The following CELF4 variants were observed in gnomAD, a reference collection of about 807,000 sequenced individuals.
The protein encoded by CELF4 is CUG-BP- and ETR-3-like factor 4.
A neutral mutation model predicts 59.9 loss-of-function variants in CELF4; 18 were observed. The observed-to-expected ratio is 0.30, with a 90% CI of 0.21 to 0.45. The LOEUF (loss-of-function observed/expected upper bound fraction) is 0.45, where lower values mean the gene tolerates loss of function less well. CELF4 is among the 20% of genes least tolerant of loss of function. The probability of loss-of-function intolerance (pLI) is 1.00; values close to 1 mark genes in which losing one functional copy is unlikely to be tolerated. For missense variants in CELF4, 456 were observed against 689.0 expected (o/e 0.66, Z 3.79); for synonymous variants, 261 against 267.1 (o/e 0.98, Z 0.22).
intron 1 of CELF4, among the ~76,000 whole-genome samples, chr18:37,502,853 G>A (rs543468495): frequency 6.6e-6 from 1 of 152,326 alleles, no homozygotes; most frequent in African/African-American, 2.4e-5. Flanking sequence ...AGGTAGCGCT[G>A]ATTCCCTCCA....
intron 1 of CELF4, among the ~76,000 whole-genome samples, chr18:37,547,468 G>A (rs2099981829): frequency 1.3e-5 from 2 of 152,164 alleles, no homozygotes; most frequent in Non-Finnish European, 2.9e-5. Flanking sequence ...ACCTACATGA[G>A]AGCTGTCTAT....
intron 1 of CELF4, among the ~76,000 whole-genome samples, chr18:37,546,672 G>A (rs2099981508): frequency 6.6e-6 from 1 of 152,138 alleles, no homozygotes; most frequent in African/African-American, 2.4e-5. Context: ...TCCCACACAT[G>A]ACACACACTG....
At chr18:37,278,180 C>T (rs970259541) in intron 3 of CELF4, among the ~76,000 whole-genome samples, 1 of 152,044 alleles carries the variant, frequency 6.6e-6, no homozygotes, top group Non-Finnish European at 1.5e-5. Flanking sequence ...CTTCTAGAGG[C>T]CTTTCTAAAC....
At chr18:37,405,139 C>A (rs1251984798) in intron 2 of CELF4, among the ~76,000 whole-genome samples, 2 of 151,828 alleles carry the variant, frequency 1.3e-5, no homozygotes, top group East Asian at 3.9e-4. Context: ...TCCAGCTATT[C>A]CTCATAGGAC....
At chr18:37,301,094 A>AG (rs1375607399) in intron 3 of CELF4, among the ~76,000 whole-genome samples, 1 of 152,152 alleles carries the variant, frequency 6.6e-6, no homozygotes, top group African/African-American at 2.4e-5. Flanking sequence ...ATAGAAAGGA[A>AG]GGGGGCAGTT....
chr18:37,337,962 T>C (rs2097836847), intron 2 of CELF4, among the ~76,000 whole-genome samples: 1 of 152,216 alleles, frequency 6.6e-6, no homozygotes, highest in African/African-American at 2.4e-5. Context: ...AAATCACCAC[T>C]GTCACCACCA....
intron 1 of CELF4, among the ~76,000 whole-genome samples, chr18:37,540,578 C>T (rs902525401): frequency 2.0e-5 from 3 of 152,142 alleles, no homozygotes; most frequent in East Asian, 1.9e-4. Flanking sequence ...TGGGAAGGCT[C>T]CAGACGCAGC....
At chr18:37,400,766 G>A (rs1317267241) in intron 2 of CELF4, among the ~76,000 whole-genome samples, 1 of 152,228 alleles carries the variant, frequency 6.6e-6, no homozygotes, top group African/African-American at 2.4e-5. Flanking sequence ...TAGTTTTTGA[G>A]AAATTTGACT....
chr18:37,351,392 C>G (rs973963865), intron 2 of CELF4, among the ~76,000 whole-genome samples: 2 of 152,144 alleles, frequency 1.3e-5, no homozygotes, highest in Admixed American at 1.3e-4. Flanking sequence ...CTCCTGCGTG[C>G]CTGTTCAGGC....
intron 1 of CELF4, among the ~76,000 whole-genome samples, chr18:37,552,659 G>A (rs944284439): frequency 6.6e-6 from 1 of 152,234 alleles, no homozygotes; most frequent in African/African-American, 2.4e-5. Flanking sequence ...GAGAAACTAA[G>A]GGAGAAATAA....
intron 1 of CELF4, among the ~76,000 whole-genome samples, chr18:37,549,194 T>C (rs2099982377): frequency 6.6e-6 from 1 of 152,232 alleles, no homozygotes. Context: ...AGGATTTGAC[T>C]GTAAGTAGCA....
chr18:37,506,164 G>A (rs549942280), intron 1 of CELF4, among the ~76,000 whole-genome samples: 6 of 151,328 alleles, frequency 4.0e-5, no homozygotes, highest in East Asian at 3.9e-4. Flanking sequence ...AGTTGCCTTC[G>A]TGTCTTGAAG....
At chr18:37,336,790 C>T (rs1401860745) in intron 2 of CELF4, among the ~76,000 whole-genome samples, 1 of 152,202 alleles carries the variant, frequency 6.6e-6, no homozygotes, top group East Asian at 1.9e-4. Flanking sequence ...TCTCTCCAGG[C>T]CATTAAACAC....
rs1334521623 is a variant in CELF4 at position 37,245,837 on chromosome 18, A to G, written c.*45-640T>C. On this transcript the variant is annotated intron_variant, in intron 12 of 12. Transcript: ENST00000420428. This position sits in a 1 kb window ranked among gnomAD's most constrained non-coding sequence, Gnocchi z 4.1. Reference sequence around the variant, plus strand: ...TGGATATGTGTGTATGTATATGCATATATACACACATACACACACATAATA... The same window carrying G: ...TGGATATGTGTGTATGTATATGCATGTATACACACATACACACACATAATA... Among the ~76,000 whole-genome samples, 8 of 152,230 alleles carry G rather than the reference A, an allele frequency of 5.3e-5. No individual in the cohort carries two copies. Among genetic ancestry groups the G allele is most frequent in the Admixed American group, 4.6e-4 (7 of 15,286 alleles).
At chr18:37,476,994 G>A (rs886821849) in intron 2 of CELF4, among the ~76,000 whole-genome samples, 1 of 152,222 alleles carries the variant, frequency 6.6e-6, no homozygotes, top group East Asian at 1.9e-4. Flanking sequence ...CCCCCGCAGG[G>A]TGAGCTAGGC....
At chr18:37,367,417 C>T (rs2098798740) in intron 2 of CELF4, among the ~76,000 whole-genome samples, 1 of 151,868 alleles carries the variant, frequency 6.6e-6, no homozygotes, top group African/African-American at 2.4e-5. Flanking sequence ...TCTCCCAGCC[C>T]TGGGAGGCAG....
chr18:37,503,487 G>T (rs2099934114), intron 1 of CELF4, among the ~76,000 whole-genome samples: 1 of 152,146 alleles, frequency 6.6e-6, no homozygotes, highest in Non-Finnish European at 1.5e-5. Context: ...TCCTCCCTCA[G>T]AAGAGCCCCT....
chr18:37,480,356 A>G (rs1305289562), intron 2 of CELF4, among the ~76,000 whole-genome samples: 1 of 152,238 alleles, frequency 6.6e-6, no homozygotes, highest in Non-Finnish European at 1.5e-5. Context: ...TCCCATTTCT[A>G]AAATGAAAAG....
At chr18:37,397,955 C>T (rs2099266135) in intron 2 of CELF4, among the ~76,000 whole-genome samples, 1 of 152,172 alleles carries the variant, frequency 6.6e-6, no homozygotes, top group Non-Finnish European at 1.5e-5. Flanking sequence ...CCAGCAGGGG[C>T]TCCTCTCACC....
Sources: allele counts gnomAD v4.1 joint callset (sites outside exome capture counted in the v4.1 genomes callset), GRCh38; gene constraint gnomAD v4.1.1; non-coding constraint Gnocchi (gnomAD v3.1); transcripts MANE v1.5; gene names NCBI Gene and HGNC (gene_info 2026-07-23, HGNC 2026-07-21).